Variants in STK32A observed in about 807,000 individuals in gnomAD.
STK32A encodes serine/threonine-protein kinase 32A.
STK32A carries 41 observed loss-of-function variants against 53.2 expected under a neutral mutation model. The ratio of observed to expected loss-of-function variants is 0.77; its 90% confidence interval spans 0.60 to 1.00. STK32A has a LOEUF of 1.00. Among genes scored for constraint, STK32A ranks in the 50% least tolerant of loss-of-function variants. The pLI, the probability that STK32A is intolerant of heterozygous loss-of-function variation, is 0.00. For missense variants in STK32A, 458 were observed against 485.8 expected (o/e 0.94, Z 0.54); for synonymous variants, 166 against 162.8 (o/e 1.02, Z -0.15).
At chr5:147,264,200 A>G (rs959414421) in intron 2 of STK32A, among the ~76,000 whole-genome samples, 17 of 152,256 alleles carry the variant, frequency 1.1e-4, no homozygotes. Flanking sequence ...GTGCTTCAGT[A>G]AAACAAGAAA....
At chr5:147,400,117 G>A in the STK32A span, among the ~76,000 whole-genome samples, 1 of 152,262 alleles carries the variant, frequency 6.6e-6, no homozygotes, top group South Asian at 2.1e-4. Context: ...GATAATTATT[G>A]ATTTTACTAA....
chr5:147,249,161 T>A (rs1243041904), intron 2 of STK32A, among the ~76,000 whole-genome samples: 8 of 141,600 alleles, frequency 5.6e-5, no homozygotes, highest in Non-Finnish European at 1.3e-4. Flanking sequence ...TAAGATTATG[T>A]CATTTTTTGT....
chr5:147,235,632 C>T (rs1278961982), intron 1 of STK32A, among the ~76,000 whole-genome samples: 1 of 152,216 alleles, frequency 6.6e-6, no homozygotes, highest in Non-Finnish European at 1.5e-5. Flanking sequence ...ATCAGCATGC[C>T]TGTACCTAGA....
chr5:147,279,389 T>C lies in STK32A; in HGVS notation c.251T>C (p.Val84Ala). 6.3e-7 allele frequency: 1 copy of C among 1,583,678 alleles called. No homozygotes were observed. The highest frequency in any genetic ancestry group is 8.6e-7 in the Non-Finnish European group (1 of 1,164,288). Residue 84 changes from valine to alanine, a missense_variant, in exon 4 of 13, where the codon GTT (valine) becomes GCT (alanine). Transcript: ENST00000397936. ...IMQGLEHPFLVNLWYSFQDEE... is the reference protein window; with the variant it reads ...IMQGLEHPFLANLWYSFQDEE... ...CAGGGTCTGGAGCACCCTTTCCTGGTTAATTTGTGGTGAGTAATTTTACTG... is the reference window on the plus strand; with the variant it reads ...CAGGGTCTGGAGCACCCTTTCCTGGCTAATTTGTGGTGAGTAATTTTACTG...
intron 2 of STK32A, among the ~76,000 whole-genome samples, chr5:147,250,539 A>G (rs2151942115): frequency 6.6e-6 from 1 of 152,304 alleles, no homozygotes; most frequent in African/African-American, 2.4e-5. Flanking sequence ...GGTGAGAAAA[A>G]TCTATGGGAG....
intron 1 of STK32A, 55 bp from the exon 2 acceptor site, chr5:147,239,484 C>T (rs1753472169): frequency 3.3e-6 from 2 of 605,008 alleles, no homozygotes; most frequent in Admixed American, 6.9e-5. Flanking sequence ...AGTCTATACT[C>T]AGGGTGCCTA....
intron 4 of STK32A, among the ~76,000 whole-genome samples, chr5:147,308,472 A>G (rs1753531062): frequency 1.3e-5 from 2 of 152,122 alleles, no homozygotes. Context: ...CAATATTTAC[A>G]TTCATGTGAT....
intron 4 of STK32A, among the ~76,000 whole-genome samples, chr5:147,298,676 T>C (rs907789684): frequency 1.3e-5 from 2 of 152,212 alleles, no homozygotes; most frequent in Non-Finnish European, 1.5e-5. Context: ...ATTTACTTAT[T>C]TTTCAAGAGA....
intron 2 of STK32A, among the ~76,000 whole-genome samples, chr5:147,271,179 G>A (rs967422607): frequency 6.6e-6 from 1 of 152,006 alleles, no homozygotes; most frequent in Non-Finnish European, 1.5e-5. Flanking sequence ...AAGATTTCAT[G>A]GACATTTATT....
At chr5:147,251,861 T>C (rs900893854) in intron 2 of STK32A, among the ~76,000 whole-genome samples, 2 of 152,134 alleles carry the variant, frequency 1.3e-5, no homozygotes, top group East Asian at 1.9e-4. Flanking sequence ...TTCTACCCAT[T>C]TGGATTTTAA....
chr5:147,302,224 G>T (rs1753175453), intron 4 of STK32A, among the ~76,000 whole-genome samples: 1 of 152,032 alleles, frequency 6.6e-6, no homozygotes, highest in African/African-American at 2.4e-5. Flanking sequence ...TACTATCTAT[G>T]CCATTCACAA....
intron 5 of STK32A, among the ~76,000 whole-genome samples, chr5:147,329,645 A>ACG (rs1561724459): frequency 6.6e-6 from 1 of 151,318 alleles, no homozygotes. Context: ...ACGTGCACGC[A>ACG]CGCACACACA....
At chr5:147,282,987 A>G (rs1752134230) in intron 4 of STK32A, among the ~76,000 whole-genome samples, 1 of 152,226 alleles carries the variant, frequency 6.6e-6, no homozygotes, top group Admixed American at 6.5e-5. Flanking sequence ...CAACTGCAGA[A>G]TACACATTCT....
At chr5:147,363,979 G>T (rs1756631312) in intron 8 of STK32A, among the ~76,000 whole-genome samples, 1 of 152,062 alleles carries the variant, frequency 6.6e-6, no homozygotes, top group African/African-American at 2.4e-5. Context: ...ACTTTAGAAG[G>T]CTGAGGCGGG....
At chr5:147,257,148 G>A (rs1243912681) in intron 2 of STK32A, among the ~76,000 whole-genome samples, 1 of 151,862 alleles carries the variant, frequency 6.6e-6, no homozygotes, top group African/African-American at 2.4e-5. Flanking sequence ...ATGAGTGTAT[G>A]GTTTTAGTAA....
chr5:147,239,898 A>G (rs757878126), intron 2 of STK32A: 123 of 544,594 alleles, frequency 2.3e-4, no homozygotes, highest in Non-Finnish European at 3.5e-4. Context: ...CCTAATCTCC[A>G]CTATACCAAT....
intron 4 of STK32A, among the ~76,000 whole-genome samples, chr5:147,294,766 C>T (rs1752788848): frequency 6.6e-6 from 1 of 151,954 alleles, no homozygotes; most frequent in East Asian, 1.9e-4. Context: ...TCACTGCAAC[C>T]TCTGCCTCCT....
At chr5:147,284,484 C>T (rs1156945131) in intron 4 of STK32A, among the ~76,000 whole-genome samples, 3 of 151,788 alleles carry the variant, frequency 2.0e-5, no homozygotes, top group South Asian at 4.1e-4. Flanking sequence ...TGCTTGTTGG[C>T]GATATGATCG....
chr5:147,254,860 C>G (rs1754155586), intron 2 of STK32A, among the ~76,000 whole-genome samples: 1 of 152,128 alleles, frequency 6.6e-6, no homozygotes, highest in Non-Finnish European at 1.5e-5. Context: ...AGAAGGCAGG[C>G]TGGGCGCGGT....
Sources: allele counts gnomAD v4.1 joint callset (sites outside exome capture counted in the v4.1 genomes callset), GRCh38; gene constraint gnomAD v4.1.1; transcripts MANE v1.5; gene names NCBI Gene and HGNC (gene_info 2026-07-23, HGNC 2026-07-21).